Variants in SAE1 observed in about 807,000 individuals in gnomAD.
The protein encoded by SAE1 is SUMO-activating enzyme subunit 1.
A neutral mutation model predicts 40.6 loss-of-function variants in SAE1; 11 were observed. The observed-to-expected ratio is 0.27, with a 90% CI of 0.17 to 0.45. The LOEUF (loss-of-function observed/expected upper bound fraction) is 0.45. Among genes scored for constraint, SAE1 ranks in the 20% least tolerant of loss-of-function variants. The pLI, the probability that SAE1 is intolerant of heterozygous loss-of-function variation, is 1.00. For missense variants in SAE1, 373 were observed against 427.3 expected (o/e 0.87, Z 1.12); for synonymous variants, 155 against 154.3 (o/e 1.00, Z -0.03).
At chr19:47,136,163 G>A (rs576871299) in intron 1 of SAE1, among the ~76,000 whole-genome samples, 5 of 152,022 alleles carry the variant, frequency 3.3e-5, no homozygotes, top group South Asian at 2.1e-4. Context: ...TTTTGAGACC[G>A]AGCCTCGCTC....
In SAE1 at chr19:47,194,934, G is replaced by A. The variant is rs538370286; in HGVS notation, c.734-2299G>A. On this transcript the variant is annotated intron_variant, in intron 6 of 8. Coordinates refer to ENST00000270225, the MANE Select transcript of SAE1 (RefSeq NM_005500.3). ...ATTTATGTATTTTTTTAGTAGAGACGGGGTTTCACCATGTTGGCCAGGCTG... is the reference window on the plus strand; with the variant it reads ...ATTTATGTATTTTTTTAGTAGAGACAGGGTTTCACCATGTTGGCCAGGCTG... 1.0e-4 allele frequency among the ~76,000 whole-genome samples: 15 copies of A among 150,640 alleles called. 1 individual carries two copies. In the South Asian group the frequency reaches 3.0e-3, roughly 30 times the overall value.
intron 1 of SAE1, among the ~76,000 whole-genome samples, chr19:47,141,096 G>C (rs977683652): frequency 6.6e-6 from 1 of 152,032 alleles, no homozygotes; most frequent in Non-Finnish European, 1.5e-5. Context: ...CCGCCTCCCA[G>C]GTTTGAGTGA....
chr19:47,157,618 C>G (rs886425082), intron 5 of SAE1, among the ~76,000 whole-genome samples: 1 of 152,184 alleles, frequency 6.6e-6, no homozygotes, highest in Non-Finnish European at 1.5e-5. Context: ...CACTTTATCT[C>G]GCTATGAGGA....
chr19:47,182,985 G>A (rs1003654962), intron 6 of SAE1, among the ~76,000 whole-genome samples: 3 of 151,966 alleles, frequency 2.0e-5, no homozygotes, highest in Non-Finnish European at 4.4e-5. Context: ...GCACAATCTT[G>A]GCTCACTGCA....
At chr19:47,154,055 T>A (rs1314464735) in intron 4 of SAE1, among the ~76,000 whole-genome samples, 2 of 151,364 alleles carry the variant, frequency 1.3e-5, no homozygotes, top group Non-Finnish European at 2.9e-5. Context: ...CCTCCCAAAG[T>A]GCTGGGATTA....
At chr19:47,188,349 CAAAA>C (rs11366843) in intron 6 of SAE1, among the ~76,000 whole-genome samples, 1 of 140,572 alleles carries the variant, frequency 7.1e-6, no homozygotes, top group Non-Finnish European at 1.6e-5. Context: ...GGCCATGTCT[CAAAA>C]AAAAAAAAGA....
At chr19:47,171,934 T>C (rs2058436934) in intron 6 of SAE1, among the ~76,000 whole-genome samples, 1 of 152,120 alleles carries the variant, frequency 6.6e-6, no homozygotes, top group Non-Finnish European at 1.5e-5. Flanking sequence ...GCATTTATTT[T>C]TTTGAGACGG....
At chr19:47,164,802 C>T (rs1255314369) in intron 5 of SAE1, among the ~76,000 whole-genome samples, 2 of 151,780 alleles carry the variant, frequency 1.3e-5, no homozygotes, top group East Asian at 3.9e-4. Flanking sequence ...GCACCTGCCA[C>T]CACGCCCAGC....
At chr19:47,147,815 G>A (rs1198943780) in intron 2 of SAE1, among the ~76,000 whole-genome samples, 1 of 149,984 alleles carries the variant, frequency 6.7e-6, no homozygotes, top group Non-Finnish European at 1.5e-5. Flanking sequence ...CTGGAGTGCA[G>A]TGGCGCGATC....
intron 1 of SAE1, among the ~76,000 whole-genome samples, chr19:47,141,972 T>A (rs545371499): frequency 5.2e-4 from 79 of 152,284 alleles, no homozygotes; most frequent in African/African-American, 1.8e-3. Context: ...TCAAGAGATT[T>A]CAGATAAGAT....
At chr19:47,204,253 A>T (rs556162531) in intron 8 of SAE1, among the ~76,000 whole-genome samples, 2 of 124,314 alleles carry the variant, frequency 1.6e-5, no homozygotes, top group Non-Finnish European at 3.1e-5. Context: ...GCTGGAGTGC[A>T]GTAGCACGAT....
chr19:47,132,424 G>GTTT (rs74749546), intron 1 of SAE1, among the ~76,000 whole-genome samples: 4 of 131,004 alleles, frequency 3.1e-5, no homozygotes, highest in East Asian at 2.2e-4. Flanking sequence ...ACTAATTTTT[G>GTTT]TTTTTTTTTT....
chr19:47,202,929 G>A (rs1344580240), intron 7 of SAE1, among the ~76,000 whole-genome samples: 3 of 152,152 alleles, frequency 2.0e-5, no homozygotes, highest in Admixed American at 1.3e-4. Context: ...CTAGAAGGAT[G>A]TGCACCACAC....
intron 6 of SAE1, among the ~76,000 whole-genome samples, chr19:47,192,037 G>A (rs989394382): frequency 4.7e-5 from 7 of 150,130 alleles, no homozygotes; most frequent in Middle Eastern, 3.5e-3. Flanking sequence ...CTGGGCAACA[G>A]AGCGAGACTC....
At position 47,203,735 on chromosome 19, in the gene SAE1, G is replaced by A. The variant is rs1441892773; in HGVS notation, c.943G>A (p.Val315Met). The A allele has an allele frequency of 6.2e-7, 1 of 1,613,766 alleles. No homozygotes were observed. Among genetic ancestry groups the A allele is most frequent in the Non-Finnish European group, 8.5e-7 (1 of 1,179,812 alleles). ...TGGAGGGATTTTGGCACAGGAAATT[G>A]TGAAGGTAAAACATCACTGTGGAGC... Reference protein sequence around the residue: ...VVGGILAQEIVKALSQRDPPH... With the variant: ...VVGGILAQEIMKALSQRDPPH... Residue 315 changes from valine to methionine, a missense_variant, in exon 8 of 9, where the codon GTG becomes ATG. This residue lies in a region of SAE1 where 351 missense variants were observed against 390.6 expected (regional missense o/e 0.90). Coordinates refer to ENST00000270225, the MANE Select transcript of SAE1 (RefSeq NM_005500.3).
chr19:47,150,618 C>T (rs1181202713), intron 3 of SAE1, among the ~76,000 whole-genome samples: 1 of 152,186 alleles, frequency 6.6e-6, no homozygotes, highest in Non-Finnish European at 1.5e-5. Context: ...CTGGCTTCTT[C>T]TCTGGGCATA....
intron 7 of SAE1, among the ~76,000 whole-genome samples, chr19:47,197,944 G>A (rs1367668084): frequency 6.6e-6 from 1 of 152,164 alleles, no homozygotes; most frequent in Non-Finnish European, 1.5e-5. Context: ...GCCTCCATTG[G>A]TATCCTATCA....
intron 5 of SAE1, among the ~76,000 whole-genome samples, chr19:47,158,713 G>A (rs535655556): frequency 1.3e-5 from 2 of 152,340 alleles, no homozygotes; most frequent in South Asian, 4.1e-4. Flanking sequence ...GCAAGGCACT[G>A]TGTTGAGTGC....
At chr19:47,181,475 C>CT (rs1568602614) in intron 6 of SAE1, among the ~76,000 whole-genome samples, 4 of 132,636 alleles carry the variant, frequency 3.0e-5, no homozygotes, top group African/African-American at 8.9e-5. Flanking sequence ...TTTTTCTTTT[C>CT]CTTTTTTTTT....
Sources: allele counts gnomAD v4.1 joint callset (sites outside exome capture counted in the v4.1 genomes callset), GRCh38; gene constraint gnomAD v4.1.1; regional missense constraint gnomAD v4.1.1; transcripts MANE v1.5; gene names NCBI Gene and HGNC (gene_info 2026-07-23, HGNC 2026-07-21).